Variants in CSMD1 observed in about 807,000 individuals in gnomAD.
The protein encoded by CSMD1 is CUB and sushi domain-containing protein 1.
Under a neutral mutation model 417.5 loss-of-function variants are expected in CSMD1, and 213 were observed. The observed-to-expected ratio is 0.51, with a 90% CI of 0.46 to 0.57. The LOEUF (loss-of-function observed/expected upper bound fraction) is 0.57. CSMD1 is among the 20% of genes least tolerant of loss of function. The pLI, the probability that CSMD1 is intolerant of heterozygous loss-of-function variation, is 0.00. For synonymous variants in CSMD1, 2,862 were observed against 1,736.8 expected (o/e 1.65, Z -16.11); for missense variants, 6,923 against 4,529.7 (o/e 1.53, Z -15.17).
intron 3 of CSMD1, among the ~76,000 whole-genome samples, chr8:4,273,810 G>A (rs540565404): frequency 2.6e-5 from 4 of 152,140 alleles, no homozygotes; most frequent in Non-Finnish European, 5.9e-5. Flanking sequence ...GGTGAAACCT[G>A]TACTGGTCAC....
At chr8:3,599,363 C>A (rs984155357) in intron 8 of CSMD1, among the ~76,000 whole-genome samples, 7 of 152,094 alleles carry the variant, frequency 4.6e-5, no homozygotes, top group Admixed American at 2.6e-4. Context: ...GCATTATTAA[C>A]CCCAACTCAG....
At chr8:3,463,404 C>T (rs1433953158) in intron 12 of CSMD1, among the ~76,000 whole-genome samples, 1 of 152,198 alleles carries the variant, frequency 6.6e-6, no homozygotes, top group Non-Finnish European at 1.5e-5. Context: ...AAAGGAGGTA[C>T]ACATTATAAA....
At chr8:4,210,545 A>G (rs73496571) in intron 3 of CSMD1, among the ~76,000 whole-genome samples, 1,760 of 152,324 alleles carry the variant, frequency 0.012, 38 homozygotes, top group African/African-American at 0.039. Context: ...TTGACTTTTA[A>G]GAAAGCACAA....
At chr8:3,739,313 G>A (rs897774959) in intron 6 of CSMD1, among the ~76,000 whole-genome samples, 10 of 152,190 alleles carry the variant, frequency 6.6e-5, no homozygotes, top group Admixed American at 2.0e-4. Context: ...CAGCTAGACA[G>A]GATGAATCTG....
intron 1 of CSMD1, among the ~76,000 whole-genome samples, chr8:4,794,548 C>G (rs957915346): frequency 6.6e-6 from 1 of 152,180 alleles, no homozygotes; most frequent in Non-Finnish European, 1.5e-5. Flanking sequence ...CCCTCCCCCA[C>G]GTCCACCTAT....
At chr8:2,947,780 T>A (rs1802353006) in intron 68 of CSMD1, among the ~76,000 whole-genome samples, 1 of 152,174 alleles carries the variant, frequency 6.6e-6, no homozygotes, top group Admixed American at 6.6e-5. Context: ...TTAGTGTTGG[T>A]CTAATGCATT....
rs541641126 is a variant in CSMD1 at position 4,769,520 on chromosome 8, T to A, written c.86-131962A>T. Reference sequence around the variant, plus strand: ...GAAAAAAATTATGAAATACTTAGAATATTTTCTTTTGAAGTAAAAATACCT... The same window carrying A: ...GAAAAAAATTATGAAATACTTAGAAAATTTTCTTTTGAAGTAAAAATACCT... On this transcript the variant is annotated intron_variant, in intron 1 of 69. Transcript: ENST00000635120. Among the ~76,000 whole-genome samples the A allele has an allele frequency of 2.9e-3, 444 of 152,350 alleles. 4 individuals carry two copies. Among genetic ancestry groups the A allele is most frequent in the African/African-American group, 0.01 (432 of 41,590 alleles).
At chr8:4,814,071 TA>T (rs748655959) in intron 1 of CSMD1, among the ~76,000 whole-genome samples, 4 of 152,266 alleles carry the variant, frequency 2.6e-5, no homozygotes, top group Non-Finnish European at 5.9e-5. Flanking sequence ...CAATAACCTT[TA>T]AAAAATAATT....
At chr8:3,417,938 A>G (rs1032863629) in intron 12 of CSMD1, among the ~76,000 whole-genome samples, 1 of 152,188 alleles carries the variant, frequency 6.6e-6, no homozygotes, top group African/African-American at 2.4e-5. Context: ...TTGGACAGAC[A>G]TGGAGCCTCC....
chr8:3,964,255 C>A (rs1320153876), intron 5 of CSMD1, among the ~76,000 whole-genome samples: 2 of 152,138 alleles, frequency 1.3e-5, no homozygotes, highest in Non-Finnish European at 2.9e-5. Context: ...GTGGCTATCC[C>A]TCCTTTGGGG....
chr8:4,806,004 A>G (rs956000435), intron 1 of CSMD1, among the ~76,000 whole-genome samples: 3 of 152,152 alleles, frequency 2.0e-5, no homozygotes, highest in African/African-American at 7.2e-5. Flanking sequence ...TAAATACTCA[A>G]AGAATTATCT....
chr8:3,382,266 T>C (rs922930287), intron 18 of CSMD1, among the ~76,000 whole-genome samples: 6 of 150,856 alleles, frequency 4.0e-5, no homozygotes, highest in African/African-American at 1.5e-4. Flanking sequence ...ATTTGCATTC[T>C]TCTGATTCCT....
At chr8:3,388,295 G>C (rs1409327327) in intron 17 of CSMD1, among the ~76,000 whole-genome samples, 1 of 152,160 alleles carries the variant, frequency 6.6e-6, no homozygotes, top group Non-Finnish European at 1.5e-5. Context: ...AAAAATTAAT[G>C]TGCATGAAGT....
At chr8:4,109,734 C>G (rs1170956978) in intron 3 of CSMD1, among the ~76,000 whole-genome samples, 3 of 152,080 alleles carry the variant, frequency 2.0e-5, no homozygotes, top group Non-Finnish European at 4.4e-5. Context: ...ACAACTATGT[C>G]TTATTTTTAA....
At chr8:4,156,756 G>A (rs1796856448) in intron 3 of CSMD1, among the ~76,000 whole-genome samples, 2 of 152,140 alleles carry the variant, frequency 1.3e-5, no homozygotes, top group African/African-American at 4.8e-5. Context: ...CCTTTGAACA[G>A]GAAATCCAGA....
chr8:3,515,389 G>A (rs561620286), intron 10 of CSMD1: 3 of 152,282 alleles, frequency 2.0e-5, no homozygotes, highest in Admixed American at 2.0e-4. Flanking sequence ...GGCTCTTTAT[G>A]ATCTTGAAAA....
intron 33 of CSMD1, among the ~76,000 whole-genome samples, chr8:3,192,844 G>C (rs912164966): frequency 6.6e-6 from 1 of 151,968 alleles, no homozygotes; most frequent in Non-Finnish European, 1.5e-5. Context: ...TCAGATTAGG[G>C]ATGCTCAATC....
intron 3 of CSMD1, among the ~76,000 whole-genome samples, chr8:4,035,937 C>T (rs188827506): frequency 1.3e-4 from 20 of 152,332 alleles, no homozygotes; most frequent in Non-Finnish European, 2.6e-4. Context: ...TCCAGCCCCA[C>T]AAACTCTATT....
At chr8:3,897,240 T>C (rs984719658) in intron 5 of CSMD1, among the ~76,000 whole-genome samples, 17 of 152,158 alleles carry the variant, frequency 1.1e-4, no homozygotes, top group East Asian at 7.7e-4. Context: ...GCCTACCCTT[T>C]CTACAGAGAC....
Sources: allele counts gnomAD v4.1 joint callset (sites outside exome capture counted in the v4.1 genomes callset), GRCh38; gene constraint gnomAD v4.1.1; transcripts MANE v1.5; gene names NCBI Gene and HGNC (gene_info 2026-07-23, HGNC 2026-07-21).